Variants in LINGO2 observed in about 807,000 individuals in gnomAD.
LINGO2 encodes leucine-rich repeat and immunoglobulin-like domain-containing nogo receptor-interacting protein 2.
A neutral mutation model predicts 30.6 loss-of-function variants in LINGO2; 14 were observed. The observed-to-expected ratio is 0.46, with a 90% CI of 0.30 to 0.72. The LOEUF (loss-of-function observed/expected upper bound fraction) is 0.72. Among genes scored for constraint, LINGO2 ranks in the 30% least tolerant of loss-of-function variants. The pLI is 0.07. For missense variants in LINGO2, 729 were observed against 751.7 expected (o/e 0.97, Z 0.35); for synonymous variants, 317 against 288.5 (o/e 1.10, Z -1.00).
intron 4 of LINGO2, among the ~76,000 whole-genome samples, chr9:28,030,658 C>A (rs745643201): frequency 6.6e-6 from 1 of 152,122 alleles, no homozygotes; most frequent in Non-Finnish European, 1.5e-5. Flanking sequence ...ATGCACCATC[C>A]CTTTCAGTTT....
At chr9:29,052,240 C>A in the LINGO2 span, among the ~76,000 whole-genome samples, 1 of 152,154 alleles carries the variant, frequency 6.6e-6, no homozygotes, top group African/African-American at 2.4e-5. Context: ...CTTTTCAATA[C>A]TGACCTTTCA....
chr9:28,789,597 G>A, the LINGO2 span, among the ~76,000 whole-genome samples: 1 of 152,230 alleles, frequency 6.6e-6, no homozygotes, highest in Non-Finnish European at 1.5e-5. Flanking sequence ...AACATGTCAT[G>A]AATAGTGAGG....
intron 1 of LINGO2, among the ~76,000 whole-genome samples, chr9:28,521,962 A>T (rs1820845736): frequency 6.6e-6 from 1 of 152,202 alleles, no homozygotes; most frequent in South Asian, 2.1e-4. Flanking sequence ...GCAAGGGAGG[A>T]TCCTTCTCTG....
chr9:28,997,247 A>C, the LINGO2 span, among the ~76,000 whole-genome samples: 1 of 152,046 alleles, frequency 6.6e-6, no homozygotes, highest in African/African-American at 2.4e-5. Context: ...TGGGCAACAC[A>C]GTGAGACCCT....
At chr9:28,651,767 C>T (rs565906234) in intron 1 of LINGO2, among the ~76,000 whole-genome samples, 2 of 152,292 alleles carry the variant, frequency 1.3e-5, no homozygotes, top group East Asian at 1.9e-4. Flanking sequence ...TCATGTCTCA[C>T]ATGCCTCTGA....
chr9:28,609,990 AATAAC>A (rs1825849982), intron 1 of LINGO2, among the ~76,000 whole-genome samples: 1 of 152,148 alleles, frequency 6.6e-6, no homozygotes, highest in Non-Finnish European at 1.5e-5. Flanking sequence ...CAAAATGCAG[AATAAC>A]ATATTATTTT....
intron 4 of LINGO2, among the ~76,000 whole-genome samples, chr9:28,156,758 G>A (rs202122598): frequency 6.6e-6 from 1 of 152,240 alleles, no homozygotes; most frequent in East Asian, 1.9e-4. Context: ...CATTCTAAAT[G>A]GGAGAAATTG....
chr9:28,682,242 G>A, the LINGO2 span, among the ~76,000 whole-genome samples: 2 of 152,126 alleles, frequency 1.3e-5, no homozygotes, highest in Non-Finnish European at 2.9e-5. Context: ...CATTACTGAA[G>A]CCCTGAAAAG....
intron 2 of LINGO2, among the ~76,000 whole-genome samples, chr9:28,431,072 A>AGAGAGAGAC (rs1554720257): frequency 1.3e-5 from 1 of 74,576 alleles, no homozygotes. Flanking sequence ...GAGAGAGAGA[A>AGAGAGAGAC]ACTCAAGGCA....
chr9:27,992,021 G>A (rs553734582), intron 5 of LINGO2, among the ~76,000 whole-genome samples: 3 of 151,900 alleles, frequency 2.0e-5, no homozygotes, highest in Non-Finnish European at 4.4e-5. Context: ...CCCTGACTAT[G>A]GGAAATTACT....
chr9:28,963,970 T>C, the LINGO2 span, among the ~76,000 whole-genome samples: 2 of 151,918 alleles, frequency 1.3e-5, no homozygotes, highest in Non-Finnish European at 2.9e-5. Context: ...TTCAAGGTGA[T>C]GAATATCCCA....
Position 28,313,221 on chromosome 9 carries a change from T to C in LINGO2, c.-245-17855A>G, listed in dbSNP as rs142552800. ...ATTATATCTGGAAGCATAACCACTA[T>C]ATTGGGAAATTGAATCATTTCAAAA... On this transcript the variant is annotated intron_variant, in intron 3 of 5. Coordinates refer to ENST00000379992, the Ensembl canonical transcript of LINGO2. Among the ~76,000 whole-genome samples the C allele has an allele frequency of 5.7e-3, 865 of 152,286 alleles. 4 individuals are homozygous for C. Among genetic ancestry groups the C allele is most frequent in the Admixed American group, 7.9e-3 (121 of 15,302 alleles).
intron 1 of LINGO2, among the ~76,000 whole-genome samples, chr9:28,538,942 A>G (rs983698316): frequency 6.6e-6 from 1 of 152,070 alleles, no homozygotes; most frequent in Non-Finnish European, 1.5e-5. Flanking sequence ...CATGGCATAG[A>G]AAAAAATAAA....
chr9:28,298,552 G>A (rs1824013770), intron 3 of LINGO2, among the ~76,000 whole-genome samples: 1 of 151,146 alleles, frequency 6.6e-6, no homozygotes, highest in African/African-American at 2.4e-5. Flanking sequence ...GAGTGGTGGT[G>A]CATGCCTGTA....
At chr9:28,606,636 T>G (rs1381130577) in intron 1 of LINGO2, among the ~76,000 whole-genome samples, 1 of 152,012 alleles carries the variant, frequency 6.6e-6, no homozygotes, top group Non-Finnish European at 1.5e-5. Flanking sequence ...GAGGTAAAAT[T>G]TGTTACTCTT....
intron 1 of LINGO2, among the ~76,000 whole-genome samples, chr9:28,575,242 T>C (rs539925997): frequency 6.6e-6 from 1 of 151,682 alleles, no homozygotes; most frequent in African/African-American, 2.4e-5. Flanking sequence ...TCTCTAAGAA[T>C]ACAAAAATTA....
chr9:28,748,056 G>T, the LINGO2 span, among the ~76,000 whole-genome samples: 11 of 152,132 alleles, frequency 7.2e-5, no homozygotes, highest in African/African-American at 2.7e-4. Flanking sequence ...AAACATACTT[G>T]ATTGCTTTTT....
the LINGO2 span, among the ~76,000 whole-genome samples, chr9:28,991,449 T>C: frequency 6.7e-5 from 10 of 148,958 alleles, no homozygotes; most frequent in Admixed American, 5.4e-4. Flanking sequence ...CTGCAGGATA[T>C]TATCCAGGAG....
intron 4 of LINGO2, among the ~76,000 whole-genome samples, chr9:28,021,813 G>A (rs375758535): frequency 1.7e-4 from 26 of 152,000 alleles, no homozygotes; most frequent in African/African-American, 5.8e-4. Context: ...TTGATTAGTA[G>A]GAGCACAGTA....
Sources: gnomAD v4.1 joint callset for allele counts (sites outside exome capture counted in the v4.1 genomes callset) on GRCh38, gnomAD v4.1.1 for gene constraint, MANE v1.5 for transcripts, NCBI Gene and HGNC (gene_info 2026-07-23, HGNC 2026-07-21) for gene names.